TANK: variants seen among roughly 807,000 people sequenced by gnomAD.
TANK encodes TRAF family member-associated NF-kappa-B activator.
Under a neutral mutation model 43.6 loss-of-function variants are expected in TANK, and 15 were observed. The ratio of observed to expected loss-of-function variants is 0.34; its 90% CI spans 0.23 to 0.53. The LOEUF (loss-of-function observed/expected upper bound fraction) is 0.53. Ranked by LOEUF, TANK falls within the 20% of genes least tolerant of loss-of-function variation. The pLI is 0.94. For synonymous variants in TANK, 162 were observed against 178.2 expected (o/e 0.91, Z 0.73); for missense variants, 417 against 498.6 (o/e 0.84, Z 1.56).
At chr2:161,220,328 C>A (rs183899266) in intron 4 of TANK, among the ~76,000 whole-genome samples, 1 of 152,132 alleles carries the variant, frequency 6.6e-6, no homozygotes, top group African/African-American at 2.4e-5. Context: ...CTCAGCTGGG[C>A]GCGGTGGCTC....
chr2:161,180,867 A>G (rs1374408036), intron 2 of TANK, among the ~76,000 whole-genome samples: 3 of 151,080 alleles, frequency 2.0e-5, no homozygotes, highest in Admixed American at 1.3e-4. Flanking sequence ...CGTGTGCAGT[A>G]TATCAGGAAC....
intron 5 of TANK, 115 bp downstream of exon 5, chr2:161,224,106 T>C (rs1687488920): frequency 1.5e-6 from 1 of 666,078 alleles, no homozygotes; most frequent in East Asian, 2.9e-5. Context: ...TTAGAATAAG[T>C]GGAAGTGACC....
chr2:161,228,320 T>A (rs1042306524), intron 6 of TANK, among the ~76,000 whole-genome samples: 1 of 152,046 alleles, frequency 6.6e-6, no homozygotes, highest in Non-Finnish European at 1.5e-5. Flanking sequence ...TCACCTGAGG[T>A]TGGGAGTTCG....
At chr2:161,163,905 G>T (rs1684555847) in intron 1 of TANK, among the ~76,000 whole-genome samples, 1 of 152,176 alleles carries the variant, frequency 6.6e-6, no homozygotes. Context: ...TGTAATCTTT[G>T]ATAGACTTTT....
chr2:161,216,742 T>C (rs1436936401), intron 4 of TANK, among the ~76,000 whole-genome samples: 1 of 152,202 alleles, frequency 6.6e-6, no homozygotes, highest in Non-Finnish European at 1.5e-5. Flanking sequence ...TTTATCTTGG[T>C]TATGTGTGCA....
At chr2:161,141,677 G>T (rs949696604) in intron 1 of TANK, among the ~76,000 whole-genome samples, 3 of 152,020 alleles carry the variant, frequency 2.0e-5, no homozygotes, top group African/African-American at 7.2e-5. Flanking sequence ...CTTTTTTATG[G>T]CTGCATAGTA....
chr2:161,217,718 GT>G (rs144826282), intron 4 of TANK, among the ~76,000 whole-genome samples: 8,022 of 150,944 alleles, frequency 0.053, 672 homozygotes, highest in African/African-American at 0.18. Flanking sequence ...CTAAAGTCTA[GT>G]TTTTTGGTTT....
intron 7 of TANK, among the ~76,000 whole-genome samples, chr2:161,233,260 G>A (rs1688010119): frequency 6.6e-6 from 1 of 152,104 alleles, no homozygotes; most frequent in South Asian, 2.1e-4. Context: ...GCTGGGTGTG[G>A]TGGCTTGTGC....
At chr2:161,143,232 T>C (rs534583050) in intron 1 of TANK, among the ~76,000 whole-genome samples, 1 of 152,266 alleles carries the variant, frequency 6.6e-6, no homozygotes, top group East Asian at 1.9e-4. Flanking sequence ...GCTGAGATTA[T>C]GGGGTTTTCT....
intron 7 of TANK, among the ~76,000 whole-genome samples, chr2:161,233,897 C>T (rs1334887171): frequency 1.3e-5 from 2 of 152,050 alleles, no homozygotes; most frequent in Admixed American, 6.5e-5. Flanking sequence ...TTAACTCTAA[C>T]TAGATTTTTG....
At chr2:161,202,686 C>T (rs1450190831) in intron 2 of TANK, among the ~76,000 whole-genome samples, 1 of 152,008 alleles carries the variant, frequency 6.6e-6, no homozygotes, top group Non-Finnish European at 1.5e-5. Flanking sequence ...TTATTTATCC[C>T]TCCAGGGATA....
intron 3 of TANK, among the ~76,000 whole-genome samples, chr2:161,203,971 A>G (rs574153364): frequency 8.6e-4 from 131 of 152,154 alleles, no homozygotes; most frequent in Non-Finnish European, 1.7e-3. Flanking sequence ...GTATCACAGT[A>G]TAATGTCTAA....
At chr2:161,170,428 C>A (rs1684893114) in intron 1 of TANK, among the ~76,000 whole-genome samples, 1 of 152,084 alleles carries the variant, frequency 6.6e-6, no homozygotes. Context: ...TTAGCAACTG[C>A]TATTTTTGTT....
intron 1 of TANK, chr2:161,161,798 T>C (rs1684451412): frequency 6.2e-6 from 1 of 161,698 alleles, no homozygotes. Flanking sequence ...TTCAAAATTA[T>C]CTGTTTCTCA....
intron 4 of TANK, among the ~76,000 whole-genome samples, chr2:161,220,341 G>A (rs555477564): frequency 2.0e-5 from 3 of 152,134 alleles, no homozygotes; most frequent in East Asian, 3.9e-4. Flanking sequence ...GGTGGCTCAC[G>A]CCTGTAATCC....
chr2:161,227,980 GA>G (rs972500438), intron 6 of TANK, among the ~76,000 whole-genome samples: 140 of 152,268 alleles, frequency 9.2e-4, no homozygotes, highest in African/African-American at 3.2e-3. Context: ...GGTAAATGTT[GA>G]TTATTATAGT....
chr2:161,217,691 C>A (rs1687179560), intron 4 of TANK, among the ~76,000 whole-genome samples: 2 of 150,826 alleles, frequency 1.3e-5, no homozygotes, highest in African/African-American at 4.9e-5. Context: ...CACTCCTCCA[C>A]AATGGAATCT....
At chr2:161,200,458 A>G in intron 2 of TANK, 1 of 962,830 alleles carries the variant, frequency 1.0e-6, no homozygotes, top group Non-Finnish European at 1.2e-6. Flanking sequence ...TAGCAAATAA[A>G]CCAAGTTCTA....
At chr2:161,149,017 CA>C (rs75053639) in intron 1 of TANK, among the ~76,000 whole-genome samples, 6,592 of 149,774 alleles carry the variant, frequency 0.044, 257 homozygotes, top group East Asian at 0.19. Flanking sequence ...TCAATTTCTA[CA>C]AAAAAAAATA....
Sources: allele counts gnomAD v4.1 joint callset (sites outside exome capture counted in the v4.1 genomes callset), GRCh38; gene constraint gnomAD v4.1.1; transcripts MANE v1.5; gene names NCBI Gene and HGNC (gene_info 2026-07-23, HGNC 2026-07-21).